The following PTN variants were observed in gnomAD, a reference collection of about 807,000 sequenced individuals.
PTN encodes heparin affin regulatory protein.
Under a neutral mutation model 24.1 loss-of-function variants are expected in PTN, and 18 were observed. That is an observed-to-expected ratio of 0.75 (90% CI 0.52 to 1.11). The LOEUF (loss-of-function observed/expected upper bound fraction) is 1.11, where lower values mean the gene tolerates loss of function less well. Ranked by LOEUF, PTN falls within the 50% of genes least tolerant of loss-of-function variation. The probability of loss-of-function intolerance (pLI) is 0.00; values close to 1 mark genes in which losing one functional copy is unlikely to be tolerated. For missense variants in PTN, 163 were observed against 198.8 expected (o/e 0.82, Z 1.08); for synonymous variants, 78 against 68.6 (o/e 1.14, Z -0.67).
intron 1 of PTN, among the ~76,000 whole-genome samples, chr7:137,340,923 C>T (rs1810523936): frequency 6.6e-6 from 1 of 152,148 alleles, no homozygotes; most frequent in Non-Finnish European, 1.5e-5. Context: ...CATTATGCCG[C>T]CATATTAAAA....
chr7:137,232,390 T>C (rs1163010826), intron 4 of PTN, among the ~76,000 whole-genome samples: 2 of 151,952 alleles, frequency 1.3e-5, no homozygotes, highest in Non-Finnish European at 1.5e-5. Flanking sequence ...TAGAGGCTAG[T>C]ACTCATAATA....
At chr7:137,285,161 T>C (rs1334003298) in intron 1 of PTN, among the ~76,000 whole-genome samples, 1 of 152,206 alleles carries the variant, frequency 6.6e-6, no homozygotes, top group East Asian at 1.9e-4. Flanking sequence ...CTTCCTTATA[T>C]TGAGCTGGAT....
rs1193639960 is a variant in PTN at position 137,267,771 on chromosome 7, CA to C, written c.-1-12798del. 1.2e-4 allele frequency among the ~76,000 whole-genome samples: 19 copies of C among 152,142 alleles called. No individual in the cohort carries two copies. The East Asian group carries it at 2.1e-3, about 17-fold the overall frequency. On this transcript the variant is annotated intron_variant, in intron 1 of 4. Transcript: ENST00000348225. ...ACACACACACTTTTACAGTTTACAC[CA>C]AACCAGAATCAAAACCAAAATCGGA...
At chr7:137,330,338 GAGGAGA>G (rs954705310) in intron 1 of PTN, among the ~76,000 whole-genome samples, 11 of 152,070 alleles carry the variant, frequency 7.2e-5, no homozygotes, top group South Asian at 2.1e-4. Flanking sequence ...AGAGGAGGAG[GAGGAGA>G]AGGAGAAGGA....
intron 4 of PTN, among the ~76,000 whole-genome samples, chr7:137,247,070 T>G (rs938122903): frequency 2.0e-5 from 3 of 152,116 alleles, no homozygotes; most frequent in African/African-American, 7.2e-5. Context: ...TGAATTAACA[T>G]AAGAAAAAAT....
intron 1 of PTN, among the ~76,000 whole-genome samples, chr7:137,257,308 C>T (rs1023020158): frequency 2.6e-5 from 4 of 152,114 alleles, no homozygotes; most frequent in Admixed American, 2.6e-4. Context: ...GGCTTTTGCC[C>T]TTAAAGTAAA....
intron 1 of PTN, among the ~76,000 whole-genome samples, chr7:137,340,619 T>C (rs1276915915): frequency 1.3e-5 from 2 of 152,228 alleles, no homozygotes; most frequent in Admixed American, 1.3e-4. Flanking sequence ...CCCACAGCAG[T>C]GACATGACCT....
At chr7:137,310,152 G>A (rs1809955694) in intron 1 of PTN, among the ~76,000 whole-genome samples, 2 of 152,166 alleles carry the variant, frequency 1.3e-5, no homozygotes, top group Non-Finnish European at 1.5e-5. Flanking sequence ...GAGCTCTTGG[G>A]TGACCAGGTG....
At chr7:137,271,614 C>T (rs1041744379) in intron 1 of PTN, among the ~76,000 whole-genome samples, 6 of 152,198 alleles carry the variant, frequency 3.9e-5, no homozygotes, top group African/African-American at 1.2e-4. Context: ...AAAGAAGACT[C>T]GGCTGTTTGT....
chr7:137,228,592 T>C (rs145137910), intron 4 of PTN, among the ~76,000 whole-genome samples: 7 of 151,906 alleles, frequency 4.6e-5, no homozygotes, highest in East Asian at 1.9e-4. Context: ...CCTCTGCTTA[T>C]ATATTTGGCC....
intron 4 of PTN, among the ~76,000 whole-genome samples, chr7:137,247,109 G>T (rs1808736738): frequency 6.6e-6 from 1 of 152,096 alleles, no homozygotes; most frequent in Non-Finnish European, 1.5e-5. Flanking sequence ...CCTGAAGGAA[G>T]AAAATAATTT....
chr7:137,336,286 A>G (rs1050804751), intron 1 of PTN, among the ~76,000 whole-genome samples: 1 of 152,176 alleles, frequency 6.6e-6, no homozygotes, highest in Non-Finnish European at 1.5e-5. Flanking sequence ...TGGCACATCC[A>G]GCAGCCCATA....
In PTN at chr7:137,313,942, AC is replaced by A. The variant is rs1810026780; in HGVS notation, c.-2+29496del. ...GGGCCAGACATAGGTTTATTATTCA[AC>A]CTTTTTCATCAGGTGCTGGTTTCTG... On this transcript the variant is annotated intron_variant, in intron 1 of 4. Coordinates refer to ENST00000348225, the MANE Select transcript of PTN (RefSeq NM_002825.7). 2.6e-5 allele frequency among the ~76,000 whole-genome samples: 4 copies of A among 152,290 alleles called. No homozygotes were observed. The South Asian group carries it at 8.3e-4, about 32-fold the overall frequency.
chr7:137,270,178 C>T (rs1809251189), intron 1 of PTN, among the ~76,000 whole-genome samples: 1 of 152,142 alleles, frequency 6.6e-6, no homozygotes, highest in Non-Finnish European at 1.5e-5. Context: ...AATTCACTGT[C>T]CTCTCATAGG....
At chr7:137,320,527 T>C (rs1810146384) in intron 1 of PTN, among the ~76,000 whole-genome samples, 3 of 152,196 alleles carry the variant, frequency 2.0e-5, no homozygotes, top group Admixed American at 6.5e-5. Flanking sequence ...TTTGGAGCAC[T>C]TTTGCTCCAT....
At chr7:137,299,192 T>C (rs1295329573) in intron 1 of PTN, among the ~76,000 whole-genome samples, 2 of 151,930 alleles carry the variant, frequency 1.3e-5, no homozygotes, top group African/African-American at 4.8e-5. Context: ...TCACGTCCTT[T>C]AGTCATCCAG....
At chr7:137,255,175 C>T (rs1462346934) in intron 1 of PTN, among the ~76,000 whole-genome samples, 1 of 152,186 alleles carries the variant, frequency 6.6e-6, no homozygotes, top group Non-Finnish European at 1.5e-5. Flanking sequence ...CAATCAATCA[C>T]GTATTCACTG....
chr7:137,287,506 C>T (rs965410148), intron 1 of PTN, among the ~76,000 whole-genome samples: 2 of 151,786 alleles, frequency 1.3e-5, no homozygotes, highest in Non-Finnish European at 2.9e-5. Context: ...GGTCCTTAAA[C>T]TCCTAATCCA....
intron 4 of PTN, among the ~76,000 whole-genome samples, chr7:137,228,323 C>G (rs1473077855): frequency 6.6e-6 from 1 of 151,634 alleles, no homozygotes; most frequent in African/African-American, 2.4e-5. Context: ...AGGAACATAG[C>G]CTGCTTCTGT....
Sources: allele counts gnomAD v4.1 joint callset (sites outside exome capture counted in the v4.1 genomes callset), GRCh38; gene constraint gnomAD v4.1.1; transcripts MANE v1.5; gene names NCBI Gene and HGNC (gene_info 2026-07-23, HGNC 2026-07-21).